Variants in PREX2 observed in about 807,000 individuals in gnomAD.
The protein encoded by PREX2 is phosphatidylinositol-3,4,5-trisphosphate dependent Rac exchange factor 2, also known as phosphatidylinositol 3,4,5-trisphosphate-dependent Rac exchanger 2 protein.
PREX2 carries 107 observed loss-of-function variants against 203.2 expected under a neutral mutation model. That is an observed-to-expected ratio of 0.53 (90% confidence interval 0.45 to 0.62). The LOEUF (loss-of-function observed/expected upper bound fraction) is 0.62. PREX2 is among the 20% of genes least tolerant of loss of function. PREX2 has a pLI of 0.00. For synonymous variants in PREX2, 672 were observed against 663.6 expected (o/e 1.01, Z -0.19); for missense variants, 1,777 against 1,955.9 (o/e 0.91, Z 1.72).
At chr8:68,141,557 A>G (rs1338847646) in intron 33 of PREX2, among the ~76,000 whole-genome samples, 1 of 152,192 alleles carries the variant, frequency 6.6e-6, no homozygotes, top group Non-Finnish European at 1.5e-5. Flanking sequence ...ATAAAGAAAA[A>G]AGGCGAGGCA....
intron 11 of PREX2, among the ~76,000 whole-genome samples, chr8:68,068,089 T>C (rs1391045671): frequency 1.3e-5 from 2 of 152,138 alleles, no homozygotes; most frequent in African/African-American, 2.4e-5. Flanking sequence ...ATGATCATTT[T>C]ATTGTGATAT....
At chr8:68,154,329 T>C (rs1261078203) in intron 34 of PREX2, among the ~76,000 whole-genome samples, 1 of 152,258 alleles carries the variant, frequency 6.6e-6, no homozygotes, top group Non-Finnish European at 1.5e-5. Flanking sequence ...GCTGTCTTAA[T>C]ACTAGTATTT....
Position 68,146,240 on chromosome 8 carries a change from TCGGCAAG to T in PREX2, c.4121_4127del (p.Arg1374LeufsTer2). 6.2e-7 allele frequency: 1 copy of T among 1,611,010 alleles called. No homozygotes were observed. The highest frequency in any genetic ancestry group is 8.5e-7 in the Non-Finnish European group (1 of 1,178,174). On this transcript the variant is annotated frameshift_variant, in exon 34 of 40. Coordinates refer to ENST00000288368, the MANE Select transcript of PREX2 (RefSeq NM_024870.4). LOFTEE classifies it high-confidence loss of function. ...CTCTTACATATCAAGCAGAAGGAAG[TCGGCAAG>T]CTCTGAAAGTTTACTTCTACATTGA...
chr8:67,972,178 T>C (rs943172291), intron 1 of PREX2, among the ~76,000 whole-genome samples: 1 of 152,222 alleles, frequency 6.6e-6, no homozygotes, highest in Non-Finnish European at 1.5e-5. Flanking sequence ...CAGGTGTCTT[T>C]ACTTTTGGCT....
intron 1 of PREX2, among the ~76,000 whole-genome samples, chr8:67,987,209 C>T (rs1036641816): frequency 1.4e-5 from 2 of 142,028 alleles, no homozygotes; most frequent in African/African-American, 5.1e-5. Context: ...TGATGTATTT[C>T]TTTGCTCCTT....
intron 39 of PREX2, among the ~76,000 whole-genome samples, chr8:68,230,405 C>T (rs990663242): frequency 5.9e-5 from 9 of 152,162 alleles, no homozygotes; most frequent in Non-Finnish European, 8.8e-5. Flanking sequence ...TGCAGTGGGA[C>T]CAGTGTGGCC....
At chr8:67,962,337 T>G (rs1805654419) in intron 1 of PREX2, among the ~76,000 whole-genome samples, 1 of 152,080 alleles carries the variant, frequency 6.6e-6, no homozygotes, top group Non-Finnish European at 1.5e-5. Context: ...AGAAAGAAAT[T>G]TTAGGATTCC....
At position 68,191,628 on chromosome 8, in the gene PREX2, T is replaced by C. The variant is rs114221024; in HGVS notation, c.4347-94T>C. On this transcript the variant is annotated intron_variant, in intron 35 of 39. Transcript: ENST00000288368. ...TTCAATGCTTTTGTTTATTCACTTG[T>C]TTTTAAAAAAAAGTCAGTGATTCTT... The C allele has an allele frequency of 1.2e-3, 1,077 of 888,606 alleles. 10 individuals carry two copies. The African/African-American group carries it at 0.017, about 14-fold the overall frequency. The allele number at this position is 888,606 out of a possible 1,614,324, so 55.0% of individuals were successfully genotyped here.
intron 19 of PREX2, among the ~76,000 whole-genome samples, chr8:68,089,195 CTCTT>C (rs1809790928): frequency 2.8e-5 from 4 of 140,754 alleles, no homozygotes; most frequent in Admixed American, 2.1e-4. Flanking sequence ...CACATCTTCT[CTCTT>C]TTTCCCTTGT....
chr8:68,084,918 T>G (rs576049460), intron 18 of PREX2, among the ~76,000 whole-genome samples: 1 of 152,174 alleles, frequency 6.6e-6, no homozygotes, highest in Non-Finnish European at 1.5e-5. Flanking sequence ...ATTCCAACTG[T>G]TAGAGACTTT....
intron 1 of PREX2, among the ~76,000 whole-genome samples, chr8:67,977,447 C>T (rs1806141514): frequency 6.6e-6 from 1 of 152,172 alleles, no homozygotes; most frequent in Admixed American, 6.5e-5. Context: ...ACCAGTTAAA[C>T]ACACCTGTCG....
chr8:68,218,352 T>C (rs1812886108), intron 38 of PREX2, among the ~76,000 whole-genome samples: 1 of 152,156 alleles, frequency 6.6e-6, no homozygotes, highest in Non-Finnish European at 1.5e-5. Flanking sequence ...TTTTTACCCC[T>C]TAAAGTTATT....
chr8:68,219,285 A>G (rs909157799), intron 38 of PREX2, among the ~76,000 whole-genome samples: 1 of 151,510 alleles, frequency 6.6e-6, no homozygotes, highest in African/African-American at 2.4e-5. Flanking sequence ...CTTAAAACTA[A>G]AAGTGGAAAT....
intron 37 of PREX2, among the ~76,000 whole-genome samples, chr8:68,204,342 G>A (rs991381486): frequency 6.6e-6 from 1 of 152,260 alleles, no homozygotes; most frequent in African/African-American, 2.4e-5. Flanking sequence ...GAATGTTTTT[G>A]CTTGGCAGTT....
At chr8:68,056,405 C>A (rs1398058045) in intron 10 of PREX2, among the ~76,000 whole-genome samples, 1 of 152,070 alleles carries the variant, frequency 6.6e-6, no homozygotes, top group East Asian at 1.9e-4. Context: ...CAGCTGGGCT[C>A]AGGATAAAGG....
At chr8:68,157,508 TGC>T in intron 35 of PREX2, 72 bp downstream of exon 35, 1 of 716,132 alleles carries the variant, frequency 1.4e-6, no homozygotes, top group South Asian at 2.1e-5. Flanking sequence ...GGACTTTTGA[TGC>T]TATTTATCAT....
chr8:68,164,426 TTG>T (rs1218345323), intron 35 of PREX2, among the ~76,000 whole-genome samples: 4 of 151,054 alleles, frequency 2.6e-5, no homozygotes, highest in South Asian at 2.1e-4. Flanking sequence ...TATAATGTGT[TTG>T]TGTGTGTGTG....
chr8:68,055,509 G>C lies in PREX2; in HGVS notation c.1094-321G>C, dbSNP rs749606889. ...CTAGGGCTACTCTGTCCAGTTCTGC[G>C]GATCTAACTCTGAGCAAGGGTGCCT... On this transcript the variant is annotated intron_variant, in intron 9 of 39. Transcript: ENST00000288368. 1.5e-4 allele frequency among the ~76,000 whole-genome samples: 23 copies of C among 152,044 alleles called. No individual in the cohort carries two copies. In the South Asian group the frequency reaches 2.3e-3, roughly 15 times the overall value.
rs189886774 is a variant in PREX2, at chr8:68,234,000, C to T, written c.*2622C>T. 24 of 152,224 alleles carry T rather than the reference C, an allele frequency of 1.6e-4. No individual in the cohort carries two copies. In the East Asian group the frequency reaches 4.6e-3, roughly 29 times the overall value. 9.4% of individuals were successfully genotyped at this position (152,224 alleles called of 1,614,324 possible). On this transcript the variant is annotated 3_prime_UTR_variant, in exon 40 of 40. Coordinates refer to ENST00000288368, the MANE Select transcript of PREX2 (RefSeq NM_024870.4). ...TAATTATATGAAAATTATAGTGTTT[C>T]CTGGACATTTTACAACTCTGGATGC...
Sources: gnomAD v4.1 joint callset for allele counts (sites outside exome capture counted in the v4.1 genomes callset) on GRCh38, gnomAD v4.1.1 for gene constraint, MANE v1.5 for transcripts, NCBI Gene and HGNC (gene_info 2026-07-23, HGNC 2026-07-21) for gene names.